Variants in GPHN observed in about 807,000 individuals in gnomAD.
The protein encoded by GPHN is gephyrin.
In GPHN, 17 loss-of-function variants were observed where a neutral mutation model predicts 95.5. That is an observed-to-expected ratio of 0.18 (90% CI 0.12 to 0.27). The LOEUF is 0.27. Among genes scored for constraint, GPHN ranks in the 10% least tolerant of loss-of-function variants. The pLI, the probability that GPHN is intolerant of heterozygous loss-of-function variation, is 1.00. For synonymous variants in GPHN, 320 were observed against 322.5 expected (o/e 0.99, Z 0.08); for missense variants, 660 against 978.1 (o/e 0.67, Z 4.34).
At chr14:67,456,378 G>A in the GPHN span, among the ~76,000 whole-genome samples, 1 of 152,040 alleles carries the variant, frequency 6.6e-6, no homozygotes, top group African/African-American at 2.4e-5. Flanking sequence ...AGGTGGGTGG[G>A]TCACCTGAGG....
At chr14:67,199,948 C>A in the GPHN span, 122 of 1,361,748 alleles carry the variant, frequency 9.0e-5, 2 homozygotes, top group South Asian at 9.6e-4. Flanking sequence ...TCACCCATTC[C>A]CACCAGGAGG....
intron 8 of GPHN, among the ~76,000 whole-genome samples, chr14:66,961,691 G>A (rs1047274902): frequency 2.7e-5 from 4 of 150,876 alleles, no homozygotes; most frequent in African/African-American, 9.7e-5. Context: ...TCAGAGAAAG[G>A]GAAAATAAAA....
At chr14:66,885,758 A>G (rs182158745) in intron 5 of GPHN, among the ~76,000 whole-genome samples, 1 of 152,064 alleles carries the variant, frequency 6.6e-6, no homozygotes, top group Admixed American at 6.6e-5. Flanking sequence ...GCCCAGAGGA[A>G]AAGGCAGGCT....
At chr14:67,144,248 A>ATATATATATATATAT (rs1205670543) in intron 18 of GPHN, among the ~76,000 whole-genome samples, 3 of 62,612 alleles carry the variant, frequency 4.8e-5, no homozygotes, top group African/African-American at 7.9e-5. Context: ...AAAAAAAAAA[A>ATATATATATATATAT]AAATATATAT....
At chr14:67,544,895 A>G in the GPHN span, among the ~76,000 whole-genome samples, 1 of 152,220 alleles carries the variant, frequency 6.6e-6, no homozygotes, top group Non-Finnish European at 1.5e-5. Flanking sequence ...GTATCTATCA[A>G]GTAAGATTCC....
chr14:66,820,093 TA>T (rs1169548421), intron 3 of GPHN, among the ~76,000 whole-genome samples: 1 of 152,196 alleles, frequency 6.6e-6, no homozygotes, highest in Admixed American at 6.5e-5. Flanking sequence ...AACTATATGT[TA>T]AACCTTAGAC....
In GPHN at chr14:66,534,899, G is replaced by A. The variant is rs140630850; in HGVS notation, c.64+26308G>A. Among the ~76,000 whole-genome samples the A allele has an allele frequency of 1.1e-4, 17 of 152,066 alleles. No homozygotes were observed. In the East Asian group the frequency reaches 3.3e-3, roughly 29 times the overall value. Reference sequence around the variant, plus strand: ...ATTCTGAATATGAGACCTTTGCATGGCAAATTTCTTCTCCCAGTCTGAGGC... The same window carrying A: ...ATTCTGAATATGAGACCTTTGCATGACAAATTTCTTCTCCCAGTCTGAGGC... On this transcript the variant is annotated intron_variant, in intron 1 of 22. Transcript: ENST00000478722.
intron 8 of GPHN, among the ~76,000 whole-genome samples, chr14:66,934,622 C>T (rs529862266): frequency 6.6e-6 from 1 of 152,142 alleles, no homozygotes; most frequent in South Asian, 2.1e-4. Flanking sequence ...TTCTCTGTTT[C>T]CTGCTGAACA....
At chr14:67,193,060 A>G in the GPHN span, among the ~76,000 whole-genome samples, 1 of 144,776 alleles carries the variant, frequency 6.9e-6, no homozygotes, top group African/African-American at 2.5e-5. Context: ...ATATATCTCT[A>G]TATCTATATA....
chr14:67,569,012 G>C, the GPHN span: 1 of 613,492 alleles, frequency 1.6e-6, no homozygotes, highest in South Asian at 2.0e-5. Flanking sequence ...CCCAAGATTT[G>C]TTAGCCAGTC....
At chr14:67,616,469 C>CTCTG in the GPHN span, 1 of 148,734 alleles carries the variant, frequency 6.7e-6, no homozygotes, top group Non-Finnish European at 1.4e-5. Flanking sequence ...TAACTGAATA[C>CTCTG]TCTGTAATTG....
At chr14:67,020,157 G>A (rs1379117363) in intron 9 of GPHN, among the ~76,000 whole-genome samples, 2 of 152,164 alleles carry the variant, frequency 1.3e-5, no homozygotes, top group East Asian at 3.9e-4. Flanking sequence ...TGAGATTCAT[G>A]TGTTTGGGTG....
At chr14:67,531,910 CAAAAAAAAAA>C in the GPHN span, among the ~76,000 whole-genome samples, 10 of 79,574 alleles carry the variant, frequency 1.3e-4, no homozygotes, top group South Asian at 8.8e-4. Flanking sequence ...AACCTATGTC[CAAAAAAAAAA>C]AAAAAAAAAA....
intron 1 of GPHN, among the ~76,000 whole-genome samples, chr14:66,625,095 T>G (rs1273711332): frequency 6.6e-6 from 1 of 152,142 alleles, no homozygotes; most frequent in Non-Finnish European, 1.5e-5. Flanking sequence ...CTTCTTCTTC[T>G]TTTTGAGGCA....
At chr14:67,270,453 T>C in the GPHN span, 1 of 152,152 alleles carries the variant, frequency 6.6e-6, no homozygotes. Flanking sequence ...TTTAAACTTA[T>C]AATTGGCAAG....
At chr14:67,597,521 T>C in the GPHN span, among the ~76,000 whole-genome samples, 1 of 152,042 alleles carries the variant, frequency 6.6e-6, no homozygotes, top group Non-Finnish European at 1.5e-5. Context: ...AAAAGTTTGC[T>C]TATCTCTGTG....
intron 18 of GPHN, among the ~76,000 whole-genome samples, chr14:67,152,676 A>G (rs562203035): frequency 4.6e-5 from 7 of 152,304 alleles, no homozygotes; most frequent in East Asian, 3.9e-4. Context: ...GAATAAAATT[A>G]TGTTCACTGG....
the GPHN span, among the ~76,000 whole-genome samples, chr14:67,239,843 G>A: frequency 6.6e-6 from 1 of 152,150 alleles, no homozygotes; most frequent in Non-Finnish European, 1.5e-5. Flanking sequence ...GCAAAAGAGC[G>A]AAACTCCGTC....
intron 19 of GPHN, among the ~76,000 whole-genome samples, chr14:67,162,833 T>C (rs2082047834): frequency 1.3e-5 from 2 of 152,318 alleles, no homozygotes; most frequent in South Asian, 2.1e-4. Flanking sequence ...CAGCTAAAGT[T>C]AGAACAACCT....
Sources: allele counts gnomAD v4.1 joint callset (sites outside exome capture counted in the v4.1 genomes callset), GRCh38; gene constraint gnomAD v4.1.1; transcripts MANE v1.5; gene names NCBI Gene and HGNC (gene_info 2026-07-23, HGNC 2026-07-21).